Variants in LRRC14 observed in about 807,000 individuals in gnomAD.
LRRC14 encodes leucine rich repeat containing 14.
A neutral mutation model predicts 25.3 loss-of-function variants in LRRC14; 16 were observed. The ratio of observed to expected loss-of-function variants is 0.63; its 90% CI spans 0.43 to 0.96. The LOEUF is 0.96. Among genes scored for constraint, LRRC14 ranks in the 40% least tolerant of loss-of-function variants. LRRC14 has a pLI of 0.00. For missense variants in LRRC14, 594 were observed against 660.5 expected, an observed-to-expected ratio of 0.90 and a Z score of 1.10; for synonymous variants, 359 against 295.1, an observed-to-expected ratio of 1.22 and a Z score of -2.22.
At position 144,521,579 on chromosome 8, in the gene LRRC14, T is replaced by G; in HGVS notation, c.*101T>G. ...TGGAGGCCTTCACAAAAGCACTGGT[T>G]ACTGGTTTCCTGCTGGGTCTACCTT... On this transcript the variant is annotated 3_prime_UTR_variant, in exon 4 of 4. Coordinates refer to ENST00000292524, the MANE Select transcript of LRRC14 (RefSeq NM_014665.4). 1.6e-6 allele frequency: 2 copies of G among 1,223,800 alleles called. No homozygotes were observed. The highest frequency in any genetic ancestry group is 1.1e-6 in the Non-Finnish European group (1 of 898,358). 75.8% of individuals were successfully genotyped at this position (1,223,800 alleles called of 1,614,324 possible).
Position 144,522,505 on chromosome 8 carries a change from G to C in LRRC14, c.*1027G>C. 4.7e-6 allele frequency: 7 copies of C among 1,498,162 alleles called. No individual in the cohort carries two copies. The highest frequency in any genetic ancestry group is 1.3e-5 in the South Asian group (1 of 78,012). 92.8% of individuals were successfully genotyped at this position (1,498,162 alleles called of 1,614,324 possible). On this transcript the variant is annotated 3_prime_UTR_variant, in exon 4 of 4. Coordinates refer to ENST00000292524, the MANE Select transcript of LRRC14 (RefSeq NM_014665.4). ...AGTGGATCTCGTAGGCGACCGGCGG[G>C]GGCACGCGGAGTCCCGGCCCCGCCC... is the stretch of plus-strand genomic sequence containing the variant.
Position 144,522,546 on chromosome 8 carries a change from A to C in LRRC14, c.*1068A>C. 11 of 1,531,580 alleles carry C rather than the reference A, an allele frequency of 7.2e-6. No individual in the cohort carries two copies. The highest frequency in any genetic ancestry group is 8.8e-6 in the Non-Finnish European group (10 of 1,141,508). The allele number at this position is 1,531,580 out of a possible 1,614,324, so 94.9% of individuals were successfully genotyped here. On this transcript the variant is annotated 3_prime_UTR_variant, in exon 4 of 4. Transcript: ENST00000292524. The stretch of plus-strand genomic sequence containing the variant: ...GGCCCCGCCCCCTGTTCCGGGCCGC[A>C]GTCAGCGGGCGCCTCCGCCGGACCC...
rs757121674 is a variant in LRRC14, at chr8:144,524,061, A to T, written c.*2583A>T. ...CCCTCCACACATGAGCCTGCTCCCT[A>T]CTGCCAACACCGTGGCCCAGACAGA... On this transcript the variant is annotated 3_prime_UTR_variant, in exon 4 of 4. Transcript: ENST00000292524. 6.3e-7 allele frequency: 1 copy of T among 1,576,998 alleles called. No individual in the cohort carries two copies. The highest frequency in any genetic ancestry group is 8.6e-7 in the Non-Finnish European group (1 of 1,156,882).
chr8:144,522,162 C>T lies in LRRC14; in HGVS notation c.*684C>T, dbSNP rs1200831999. The T allele has an allele frequency of 2.9e-6, 1 of 347,326 alleles. No individual in the cohort carries two copies. Among genetic ancestry groups the T allele is most frequent in the Non-Finnish European group, 5.2e-6 (1 of 193,142 alleles). 21.5% of individuals were successfully genotyped at this position (347,326 alleles called of 1,614,324 possible). A position where few individuals can be genotyped will look rare whatever the true frequency, so the allele number is the denominator to read the frequency against. ...TCGCGGGGCAGCCCCGTCGGCACTGCCGGCCAGTCCTTGCTCTTCCCACCT... is the reference window on the plus strand; with the variant it reads ...TCGCGGGGCAGCCCCGTCGGCACTGTCGGCCAGTCCTTGCTCTTCCCACCT... On this transcript the variant is annotated 3_prime_UTR_variant, in exon 4 of 4. Coordinates refer to ENST00000292524, the MANE Select transcript of LRRC14 (RefSeq NM_014665.4).
chr8:144,518,989 G>A (rs925148299), intron 1 of LRRC14, among the ~76,000 whole-genome samples: 1 of 152,214 alleles, frequency 6.6e-6, no homozygotes, highest in African/African-American at 2.4e-5. Flanking sequence ...TTAGGCCAGT[G>A]GTAAGGGCCA....
chr8:144,523,542 TG>T lies in LRRC14; in HGVS notation c.*2065del. 7.4e-7 allele frequency: 1 copy of T among 1,343,128 alleles called. No homozygotes were observed. The highest frequency in any genetic ancestry group is 9.6e-7 in the Non-Finnish European group (1 of 1,046,472). The allele number at this position is 1,343,128 out of a possible 1,614,324, so 83.2% of individuals were successfully genotyped here. A position where few individuals can be genotyped will look rare whatever the true frequency, so the allele number is the denominator to read the frequency against. On this transcript the variant is annotated 3_prime_UTR_variant, in exon 4 of 4. Transcript: ENST00000292524. ...CGTTTTCACACGGAGTCCAAGGCCC[TG>T]CCACCCCTTCCTTGACCCCAAGCTC...
rs1191995155 is a variant in LRRC14, at chr8:144,521,456, C to T, written c.1460C>T (p.Ala487Val). ...ACCACGGACATCTACGGGCGACTGGCTGCGGACTACTTCAGCCTATGATGA... is the reference window on the plus strand; with the variant it reads ...ACCACGGACATCTACGGGCGACTGGTTGCGGACTACTTCAGCCTATGATGA... ...LWTTDIYGRL[A>V]ADYFSL The change falls in exon 4 of 4, where the codon GCT (alanine) becomes GTT (valine). Residue 487 changes from alanine (A) to valine (V), a missense_variant. Transcript: ENST00000292524. 5 of 1,602,738 alleles carry T rather than the reference C, an allele frequency of 3.1e-6. No homozygotes were observed. The highest frequency in any genetic ancestry group is 4.2e-6 in the Non-Finnish European group (5 of 1,178,776).
In LRRC14 at chr8:144,525,114, C is replaced by A. The variant is rs959643225; in HGVS notation, c.*3636C>A. ...AATGGAGGCCTGCACCTGCGTCTAA[C>A]TTTTGACGCTATAAATAGGTTCAAG... On this transcript the variant is annotated 3_prime_UTR_variant, in exon 4 of 4. Transcript: ENST00000292524. The A allele has an allele frequency of 1.1e-6, 1 of 915,408 alleles. No individual in the cohort carries two copies. The highest frequency in any genetic ancestry group is 1.5e-6 in the Non-Finnish European group (1 of 670,998). 56.7% of individuals were successfully genotyped at this position (915,408 alleles called of 1,614,324 possible).
Position 144,519,678 on chromosome 8 carries a change from C to G in LRRC14, c.-48C>G. ...GGTAGTGGCCTAGGGTCTCTCCTCC[C>G]TGCTGAAGTCCCTCTCCTGCAGGTG... On this transcript the variant is annotated 5_prime_UTR_variant, in exon 2 of 4. Coordinates refer to ENST00000292524, the MANE Select transcript of LRRC14 (RefSeq NM_014665.4). 2 of 1,518,288 alleles carry G rather than the reference C, an allele frequency of 1.3e-6. No individual in the cohort carries two copies. Among genetic ancestry groups the G allele is most frequent in the East Asian group, 2.4e-5 (1 of 41,398 alleles). 94.1% of individuals were successfully genotyped at this position (1,518,288 alleles called of 1,614,324 possible).
In LRRC14 at chr8:144,521,406, C is replaced by T. The variant is rs775444341; in HGVS notation, c.1410C>T (p.Ala470=). 1.2e-6 allele frequency: 2 copies of T among 1,611,262 alleles called. No individual in the cohort carries two copies. ...CTGAGTTGCACCAGCTGCTTCTAGC[C>T]TCAGGCCGTGCCCATGTGCTCTGGA... ...VEAELHQLLL[A]SGRAHVLWTT... The change falls in exon 4 of 4, where the codon GCC becomes GCT. Residue 470 remains alanine, a synonymous_variant. Coordinates refer to ENST00000292524, the MANE Select transcript of LRRC14 (RefSeq NM_014665.4).
At chr8:144,519,291 T>A (rs1467924396) in intron 1 of LRRC14, 1 of 235,570 alleles carries the variant, frequency 4.2e-6, no homozygotes, top group African/African-American at 2.2e-5. Context: ...CTAATGCTGA[T>A]GAAGGTTGGT....
Position 144,521,311 on chromosome 8 carries a change from C to A in LRRC14, c.1315C>A (p.Pro439Thr), listed in dbSNP as rs771504402. The A allele has an allele frequency of 4.3e-6, 7 of 1,612,956 alleles. No individual in the cohort carries two copies. The South Asian group carries it at 7.7e-5, about 18-fold the overall frequency. ...PFPVDCYEGLPWPPPASVLLE... is the reference protein window; with the variant it reads ...PFPVDCYEGLTWPPPASVLLE... ...CCCTGTGGACTGCTATGAGGGCTTG[C>A]CCTGGCCGCCGCCTGCCTCTGTCCT... The change falls in exon 4 of 4, where the codon CCC (proline) becomes ACC (threonine). Residue 439 changes from proline to threonine, a missense_variant. Pro to Thr is a conservative substitution (Grantham distance 38). Coordinates refer to ENST00000292524, the MANE Select transcript of LRRC14 (RefSeq NM_014665.4).
Position 144,522,953 on chromosome 8 carries a change from C to T in LRRC14, c.*1475C>T. Reference sequence around the variant, plus strand: ...GTTGACCAGGAGCCGGAAGGGCACGCGGGCAGCGCCGCCGGCGTTGGAGGC... The same window carrying T: ...GTTGACCAGGAGCCGGAAGGGCACGTGGGCAGCGCCGCCGGCGTTGGAGGC... On this transcript the variant is annotated 3_prime_UTR_variant, in exon 4 of 4. Coordinates refer to ENST00000292524, the MANE Select transcript of LRRC14 (RefSeq NM_014665.4). 2 of 1,572,290 alleles carry T rather than the reference C, an allele frequency of 1.3e-6. No individual in the cohort carries two copies. Among genetic ancestry groups the T allele is most frequent in the South Asian group, 1.1e-5 (1 of 88,384 alleles).
In LRRC14 at chr8:144,523,817, GTCTC is replaced by G. The variant is rs1816232849; in HGVS notation, c.*2344_*2347del. Reference sequence around the variant, plus strand: ...GGAATGTCCCCAGTCCTGGTCAGCTGTCTCTCTCCTTTGCAATTTTGTCTGCCTC... The same window carrying G: ...GGAATGTCCCCAGTCCTGGTCAGCTGTCTCCTTTGCAATTTTGTCTGCCTC... On this transcript the variant is annotated 3_prime_UTR_variant, in exon 4 of 4. Transcript: ENST00000292524. 2.1e-6 allele frequency: 1 copy of G among 472,702 alleles called. No individual in the cohort carries two copies. The highest frequency in any genetic ancestry group is 3.7e-6 in the Non-Finnish European group (1 of 267,090). 29.3% of individuals were successfully genotyped at this position (472,702 alleles called of 1,614,324 possible). A position where few individuals can be genotyped will look rare whatever the true frequency, so the allele number is the denominator to read the frequency against.
At position 144,520,545 on chromosome 8, in the gene LRRC14, C is replaced by T; in HGVS notation, c.637C>T (p.Leu213=). ...CCTGCCCATGCGCAACACTGTGGCC[C>T]TGCTGCAGCTTCTGGATGCAGGCTG... is the stretch of plus-strand genomic sequence containing the variant. ...EDLPMRNTVA[L]LQLLDAGCLR... The change falls in exon 3 of 4, where the codon CTG becomes TTG. Residue 213 remains leucine (L), a synonymous_variant. Transcript: ENST00000292524. The T allele has an allele frequency of 6.3e-7, 1 of 1,599,956 alleles. No homozygotes were observed. Among genetic ancestry groups the T allele is most frequent in the East Asian group, 2.2e-5 (1 of 44,876 alleles).
At position 144,524,436 on chromosome 8, in the gene LRRC14, C is replaced by G. The variant is rs1201411520; in HGVS notation, c.*2958C>G. 6.3e-7 allele frequency: 1 copy of G among 1,597,768 alleles called. No individual in the cohort carries two copies. Among genetic ancestry groups the G allele is most frequent in the Non-Finnish European group, 8.5e-7 (1 of 1,179,748 alleles). ...ATCCCGCCCCTTTAGACCCCAGGCGCTCACCGGCAGGTGCAAGAAGGTGAA... is the reference window on the plus strand; with the variant it reads ...ATCCCGCCCCTTTAGACCCCAGGCGGTCACCGGCAGGTGCAAGAAGGTGAA... On this transcript the variant is annotated 3_prime_UTR_variant, in exon 4 of 4. Coordinates refer to ENST00000292524, the MANE Select transcript of LRRC14 (RefSeq NM_014665.4).
chr8:144,524,288 GGACA>G lies in LRRC14; in HGVS notation c.*2812_*2815del. The G allele has an allele frequency of 1.2e-6, 2 of 1,610,734 alleles. No individual in the cohort carries two copies. Among genetic ancestry groups the G allele is most frequent in the Non-Finnish European group, 1.7e-6 (2 of 1,179,868 alleles). On this transcript the variant is annotated 3_prime_UTR_variant, in exon 4 of 4. Coordinates refer to ENST00000292524, the MANE Select transcript of LRRC14 (RefSeq NM_014665.4). ...GAAGCTCCTGCAGTCGCTGAAGTAA[GGACA>G]GCAGATCGTGAGGAAAAAGGGCGCC... is the stretch of plus-strand genomic sequence containing the variant.
intron 1 of LRRC14, 27 bp from the exon 2 acceptor site, chr8:144,519,588 C>T: frequency 2.7e-6 from 2 of 731,760 alleles, no homozygotes; most frequent in Non-Finnish European, 4.6e-6. Context: ...GTGCCATGGC[C>T]ACTGCTAACT....
rs979241834 is a variant in LRRC14 at position 144,522,242 on chromosome 8, C to G, written c.*764C>G. 1.7e-5 allele frequency: 9 copies of G among 522,876 alleles called. No homozygotes were observed. The highest frequency in any genetic ancestry group is 5.3e-5 in the South Asian group (1 of 19,020). 32.4% of individuals were successfully genotyped at this position (522,876 alleles called of 1,614,324 possible). ...GCCAGGGCCAGCGAGGGACCCCCCC[C>G]ATGCAGAGCTGGAGGTTGGGGTGAT... On this transcript the variant is annotated 3_prime_UTR_variant, in exon 4 of 4. Transcript: ENST00000292524.
Sources: allele counts gnomAD v4.1 joint callset (sites outside exome capture counted in the v4.1 genomes callset), GRCh38; gene constraint gnomAD v4.1.1; transcripts MANE v1.5; gene names NCBI Gene and HGNC (gene_info 2026-07-23, HGNC 2026-07-21).